Variants in DHX30 observed in about 807,000 individuals in gnomAD.
DHX30 encodes the protein DExH-box helicase 30, also known as ATP-dependent RNA helicase DHX30.
DHX30 carries 4 observed loss-of-function variants against 116.9 expected under a neutral mutation model. The observed-to-expected ratio is 0.03, with a 90% CI of 0.02 to 0.08. The LOEUF (loss-of-function observed/expected upper bound fraction) is 0.08, where lower values mean the gene tolerates loss of function less well. Among genes scored for constraint, DHX30 ranks in the 10% least tolerant of loss-of-function variants. DHX30 has a pLI of 1.00. For synonymous variants in DHX30, 697 were observed against 651.7 expected (o/e 1.07, Z -1.06); for missense variants, 871 against 1,595.1 (o/e 0.55, Z 7.73).
intron 9 of DHX30, among the ~76,000 whole-genome samples, chr3:47,843,761 C>G (rs1369825349): frequency 6.6e-6 from 1 of 152,126 alleles, no homozygotes. Flanking sequence ...TATAGTGGCA[C>G]GATCATGGCT....
chr3:47,819,858 C>G (rs969593841), intron 4 of DHX30, among the ~76,000 whole-genome samples: 3 of 152,206 alleles, frequency 2.0e-5, no homozygotes, highest in African/African-American at 7.2e-5. Context: ...AAACTCACCT[C>G]TGGCTGTCCC....
chr3:47,841,796 T>G, intron 8 of DHX30, 59 bp downstream of exon 8: 1 of 1,613,198 alleles, frequency 6.2e-7, no homozygotes. Flanking sequence ...TGTCTGGTGT[T>G]CCCTAAAGGC....
chr3:47,814,429 C>CA (rs71625837), intron 3 of DHX30, among the ~76,000 whole-genome samples: 4,046 of 92,744 alleles, frequency 0.044, 229 homozygotes, highest in African/African-American at 0.16. Context: ...TGTCTCAAAA[C>CA]AAAAAAAAAA....
intron 4 of DHX30, chr3:47,822,367 A>C (rs1286613246): frequency 6.5e-6 from 1 of 152,858 alleles, no homozygotes; most frequent in Non-Finnish European, 1.5e-5. Context: ...TGGGTAATTT[A>C]TAAAGAAAAA....
At position 47,847,507 on chromosome 3, in the gene DHX30, T is replaced by A. The variant is rs766346691; in HGVS notation, c.2081T>A (p.Met694Lys). The A allele has an allele frequency of 1.2e-6, 2 of 1,612,030 alleles. No homozygotes were observed. Among genetic ancestry groups the A allele is most frequent in the African/African-American group, 2.7e-5 (2 of 75,012 alleles). ...CAGCGCCTCCAGGAGGCCCTGGGCA[T>A]GCACGAGAGCAAGTACCTCATCCTG... is the stretch of plus-strand genomic sequence containing the variant. ...VQQRLQEALG[M>K]HESKYLILPV... Residue 694 changes from methionine to lysine, a missense_variant, in exon 13 of 22, where the codon ATG becomes AAG. Transcript: ENST00000445061. This position sits in a 1 kb window ranked among gnomAD's most constrained non-coding sequence, Gnocchi z 5.5.
intron 4 of DHX30, among the ~76,000 whole-genome samples, chr3:47,824,077 A>T (rs551358429): frequency 1.6e-5 from 2 of 127,574 alleles, no homozygotes; most frequent in South Asian, 4.7e-4. Context: ...ATCTTGGCTT[A>T]CTGCAACCTC....
chr3:47,809,547 A>G (rs1361817001), intron 2 of DHX30, among the ~76,000 whole-genome samples: 1 of 152,118 alleles, frequency 6.6e-6, no homozygotes, highest in Non-Finnish European at 1.5e-5. Flanking sequence ...CCTGGCCGGA[A>G]TGTAACTTCT....
intron 4 of DHX30, chr3:47,822,203 G>C (rs2036327374): frequency 6.6e-6 from 1 of 152,186 alleles, no homozygotes; most frequent in Non-Finnish European, 1.5e-5. Context: ...GCTGTAAAGA[G>C]TTGCCCTTAT....
chr3:47,835,325 C>T (rs2037057358), intron 6 of DHX30, among the ~76,000 whole-genome samples: 1 of 152,088 alleles, frequency 6.6e-6, no homozygotes, highest in African/African-American at 2.4e-5. Flanking sequence ...CATGTGCCAC[C>T]ACGCCTGGAA....
At chr3:47,806,144 A>ATT (rs779592393) in intron 2 of DHX30, among the ~76,000 whole-genome samples, 6 of 97,836 alleles carry the variant, frequency 6.1e-5, no homozygotes, top group Admixed American at 1.1e-4. Context: ...ATTTTTTTGT[A>ATT]TTTTTTTTTT....
chr3:47,841,897 T>C, intron 8 of DHX30, 160 bp downstream of exon 8: 1 of 1,017,838 alleles, frequency 9.8e-7, no homozygotes, highest in Non-Finnish European at 1.5e-6. Context: ...GCAGCAGGTG[T>C]GATGGAATGG....
At chr3:47,829,605 A>G (rs905438618) in intron 6 of DHX30, among the ~76,000 whole-genome samples, 2 of 151,756 alleles carry the variant, frequency 1.3e-5, no homozygotes, top group African/African-American at 2.4e-5. Flanking sequence ...AGGCCTCTCA[A>G]AGTGTTGGGA....
At chr3:47,842,155 T>C (rs142416403) in intron 8 of DHX30, 9 of 172,362 alleles carry the variant, frequency 5.2e-5, no homozygotes, top group African/African-American at 2.1e-4. Context: ...TTGCTTCTCA[T>C]GTAAAATAAG....
intron 2 of DHX30, among the ~76,000 whole-genome samples, chr3:47,807,703 C>CAAAA (rs1202083372): frequency 1.5e-4 from 5 of 32,742 alleles, no homozygotes; most frequent in African/African-American, 2.6e-4. Context: ...GACTCTGTCT[C>CAAAA]AAAAAAAAAA....
At chr3:47,833,194 A>G (rs2036940894) in intron 6 of DHX30, among the ~76,000 whole-genome samples, 1 of 152,056 alleles carries the variant, frequency 6.6e-6, no homozygotes, top group African/African-American at 2.4e-5. Flanking sequence ...GCAAATTAAC[A>G]TATCCATCAC....
chr3:47,829,821 ACTTTTT>A (rs2036754487), intron 6 of DHX30, among the ~76,000 whole-genome samples: 1 of 151,798 alleles, frequency 6.6e-6, no homozygotes, highest in Admixed American at 6.6e-5. Context: ...GTCCTGTCTT[ACTTTTT>A]TTAAATTTTT....
chr3:47,848,020 C>G lies in DHX30; in HGVS notation c.2286+64C>G, dbSNP rs2037694338. Reference sequence around the variant, plus strand: ...AGGGACTCCGTTTTGAGGTGGTCCCCAGCCCAGATCTACCTTAGACCTGCT... The same window carrying G: ...AGGGACTCCGTTTTGAGGTGGTCCCGAGCCCAGATCTACCTTAGACCTGCT... On this transcript the variant is annotated intron_variant, in intron 14 of 21. Transcript: ENST00000445061. The surrounding 1 kb of genome is among the most constrained non-coding windows in gnomAD (Gnocchi z 9.4). 1 of 1,599,474 alleles carries G rather than the reference C, an allele frequency of 6.3e-7. No homozygotes were observed. The highest frequency in any genetic ancestry group is 8.5e-7 in the Non-Finnish European group (1 of 1,170,228).
At chr3:47,835,268 G>T (rs1348398365) in intron 6 of DHX30, among the ~76,000 whole-genome samples, 2 of 151,094 alleles carry the variant, frequency 1.3e-5, no homozygotes, top group Non-Finnish European at 2.9e-5. Context: ...CCGTCTCCTG[G>T]GTTCAAGCAG....
intron 6 of DHX30, among the ~76,000 whole-genome samples, chr3:47,832,940 CTTTTTT>C (rs752858732): frequency 1.7e-5 from 2 of 118,732 alleles, no homozygotes; most frequent in African/African-American, 3.2e-5. Context: ...TGCCTGGCCT[CTTTTTT>C]TTTTTTTTTT....
Sources: gnomAD v4.1 joint callset for allele counts (sites outside exome capture counted in the v4.1 genomes callset) on GRCh38, gnomAD v4.1.1 for gene constraint, Gnocchi (gnomAD v3.1) non-coding constraint, MANE v1.5 for transcripts, NCBI Gene and HGNC (gene_info 2026-07-23, HGNC 2026-07-21) for gene names.